The following GRIPAP1 variants were observed in gnomAD, a reference collection of about 807,000 sequenced individuals.
GRIPAP1 encodes GRIP1-associated protein 1.
Under a neutral mutation model 84.1 loss-of-function variants are expected in GRIPAP1, and 14 were observed. That is an observed-to-expected ratio of 0.17 (90% CI 0.11 to 0.26). The LOEUF is 0.26. GRIPAP1 is among the 10% of genes least tolerant of loss of function. GRIPAP1 has a pLI of 1.00. For missense variants in GRIPAP1, 518 were observed against 674.2 expected (o/e 0.77, Z 2.57); for synonymous variants, 261 against 256.8 (o/e 1.02, Z -0.15).
Position 48,993,480 on chromosome X carries a change from C to T in GRIPAP1, c.405G>A (p.Gly135=). The change falls in exon 6 of 26, where the codon GGG becomes GGA. Residue 135 remains glycine (G), a synonymous_variant. Coordinates refer to ENST00000376423, the MANE Select transcript of GRIPAP1 (RefSeq NM_020137.5). The part of the protein sequence containing the change: ...GVAQAGPLVD[G]ELLRLQAENT... ...TTTCAGCCTGTAGCCTCAGCAGCTC[C>T]CCATCCACGAGGGGCCCAGCTTGGG... 8.4e-7 allele frequency: 1 copy of T among 1,189,849 alleles called. No homozygotes were observed. Among genetic ancestry groups the T allele is most frequent in the East Asian group, 3.1e-5 (1 of 31,753 alleles).
chrX:48,980,603 G>T (rs1294172903), intron 21 of GRIPAP1, among the ~76,000 whole-genome samples: 2 of 110,646 alleles, frequency 1.8e-5, no homozygotes, highest in African/African-American at 6.6e-5. Context: ...AAGGGCGGGG[G>T]CCGGGCCCAG....
chrX:48,991,011 G>A lies in GRIPAP1; in HGVS notation c.557C>T (p.Pro186Leu), dbSNP rs1336173592. 2 of 1,184,508 alleles carry A rather than the reference G, an allele frequency of 1.7e-6. No homozygotes were observed. The highest frequency in any genetic ancestry group is 3.5e-5 in the African/African-American group (2 of 56,549). Reference sequence around the variant, plus strand: ...CAGCTCCACCTCTGCCAACGGCATGGGGGCCAGGACGGTGGGGGCCAGGCC... The same window carrying A: ...CAGCTCCACCTCTGCCAACGGCATGAGGGCCAGGACGGTGGGGGCCAGGCC... ...PGGLAPTVLA[P>L]MPLAEVELKW... The change falls in exon 7 of 26, where the codon CCC (proline) becomes CTC (leucine). Residue 186 changes from proline to leucine, a missense_variant. By Grantham distance (98) the Pro-to-Leu change is moderately conservative. Coordinates refer to ENST00000376423, the MANE Select transcript of GRIPAP1 (RefSeq NM_020137.5).
chrX:48,978,515 T>C (rs2064435642), intron 21 of GRIPAP1, 80 bp from the exon 22 acceptor site: 1 of 919,247 alleles, frequency 1.1e-6, no homozygotes, highest in Non-Finnish European at 1.5e-6. Flanking sequence ...GAGGCAGAAA[T>C]AGATTTAACA....
chrX:48,985,522 A>C, intron 13 of GRIPAP1, 120 bp from the exon 14 acceptor site: 2 of 554,052 alleles, frequency 3.6e-6, no homozygotes, highest in Non-Finnish European at 6.0e-6. Flanking sequence ...CCAGGAAGAG[A>C]GAGGAAATTT....
intron 21 of GRIPAP1, chrX:48,980,883 C>CA (rs374495965): frequency 6.4e-4 from 113 of 176,496 alleles, no homozygotes; most frequent in African/African-American, 1.7e-3. Context: ...AACTCTGTCT[C>CA]AAAAAAAAAA....
chrX:48,977,291 G>A (rs2064428180), intron 22 of GRIPAP1: 1 of 110,748 alleles, frequency 9.0e-6, no homozygotes, highest in Non-Finnish European at 1.9e-5. Flanking sequence ...TTTAAAAAGA[G>A]AGAGAATTCT....
chrX:48,983,651 A>T, intron 15 of GRIPAP1, 124 bp downstream of exon 15: 1 of 573,975 alleles, frequency 1.7e-6, no homozygotes, highest in Non-Finnish European at 3.0e-6. Context: ...GGTCAACCAG[A>T]AACCAGTCAA....
At position 48,989,895 on chromosome X, in the gene GRIPAP1, G is replaced by A. The variant is rs1390020770; in HGVS notation, c.723-13C>T. 10 of 1,206,468 alleles carry A rather than the reference G, an allele frequency of 8.3e-6. No homozygotes were observed. Among genetic ancestry groups the A allele is most frequent in the African/African-American group, 3.5e-5 (2 of 56,955 alleles). Reference sequence around the variant, plus strand: ...CAGACGGCAAAAACTGGGCACAGAAGGACAGATGTAGATGGGTCAGTTCCG... The same window carrying A: ...CAGACGGCAAAAACTGGGCACAGAAAGACAGATGTAGATGGGTCAGTTCCG... On this transcript the variant is annotated splice_polypyrimidine_tract_variant and intron_variant, in intron 9 of 25. Coordinates refer to ENST00000376423, the MANE Select transcript of GRIPAP1 (RefSeq NM_020137.5).
At position 48,981,222 on chromosome X, in the gene GRIPAP1, G is replaced by T; in HGVS notation, c.1923C>A (p.Ser641Arg). 8.3e-7 allele frequency: 1 copy of T among 1,205,179 alleles called. No individual in the cohort carries two copies. The highest frequency in any genetic ancestry group is 1.1e-6 in the Non-Finnish European group (1 of 890,438). The change falls in exon 21 of 26, where the codon AGC (serine) becomes AGA (arginine). Residue 641 changes from serine (S) to arginine (R), a missense_variant. By Grantham distance (110) the Ser-to-Arg change is moderately radical. This residue lies in a region of GRIPAP1 where 66 missense variants were observed against 65.2 expected (regional missense o/e 1.01). Transcript: ENST00000376423. ...RLQDILTNSK[S>R]RSGLEELVLS... Reference sequence around the variant, plus strand: ...CCTGTCCTAGTCCCTCACCTGAGCGGCTCTTGCTGTTAGTGAGGATGTCCT... The same window carrying T: ...CCTGTCCTAGTCCCTCACCTGAGCGTCTCTTGCTGTTAGTGAGGATGTCCT...
At chrX:48,988,044 T>C in intron 12 of GRIPAP1, 77 bp downstream of exon 12, 1 of 810,187 alleles carries the variant, frequency 1.2e-6, no homozygotes, top group Non-Finnish European at 1.8e-6. Context: ...CCTGGGACCT[T>C]GCCTGACTAT....
rs782239258 is a variant in GRIPAP1, at chrX:48,999,274, G to A, written c.135C>T (p.Val45=). ...TGCTGAACTCCTTATCCAAGTAGGC[G>A]ACCTTCTGTCGAAGACTGGTGAGTT... ...GVELTSLRQK[V]AYLDKEFSKA... The change falls in exon 3 of 26, where the codon GTC becomes GTT. Residue 45 remains valine, a synonymous_variant. Coordinates refer to ENST00000376423, the MANE Select transcript of GRIPAP1 (RefSeq NM_020137.5). 21 of 1,207,010 alleles carry A rather than the reference G, an allele frequency of 1.7e-5. No individual in the cohort carries two copies. The South Asian group carries it at 2.8e-4, about 16-fold the overall frequency.
chrX:48,988,011 G>C (rs868949092), intron 12 of GRIPAP1, 110 bp downstream of exon 12: 6 of 380,854 alleles, frequency 1.6e-5, no homozygotes, highest in Admixed American at 5.1e-5. Flanking sequence ...ACACACACAC[G>C]AAGGCCTGGG....
Position 48,991,040 on chromosome X carries a change from T to C in GRIPAP1, c.528A>G (p.Pro176=). Residue 176 remains proline, a synonymous_variant, in exon 7 of 26, where the codon CCA becomes CCG. Coordinates refer to ENST00000376423, the MANE Select transcript of GRIPAP1 (RefSeq NM_020137.5). ...CCAGGACGGTGGGGGCCAGGCCCCC[T>C]GGGGGATCCCCCTGGCCCTCACTGA... ...SAVSEGQGDP[P]GGLAPTVLAP... 8.3e-7 allele frequency: 1 copy of C among 1,198,669 alleles called. No homozygotes were observed. Among genetic ancestry groups the C allele is most frequent in the Non-Finnish European group, 1.1e-6 (1 of 883,816 alleles).
In GRIPAP1 at chrX:48,987,422, C is replaced by T. The variant is rs961151007; in HGVS notation, c.1041+363G>A. Among the ~76,000 whole-genome samples, 3 of 100,274 alleles carry T rather than the reference C, an allele frequency of 3.0e-5. No individual in the cohort carries two copies. In the Admixed American group the frequency reaches 3.4e-4, roughly 11 times the overall value. 87.1% of individuals were successfully genotyped at this position (100,274 alleles called of 115,157 possible). On this transcript the variant is annotated intron_variant, in intron 13 of 25. Transcript: ENST00000376423. ...TTGGCCTCCCAAAGTGCTAGGATTA[C>T]AGGCATGAGCCACCACGCCCTTTTT... is the stretch of plus-strand genomic sequence containing the variant.
intron 25 of GRIPAP1, 112 bp from the exon 26 acceptor site, chrX:48,974,397 G>C (rs2064411559): frequency 2.0e-6 from 1 of 493,518 alleles, no homozygotes; most frequent in Admixed American, 2.9e-5. Flanking sequence ...TCAATGCTCA[G>C]CTGTGTCTGG....
At chrX:48,982,915 C>T (rs1439775377) in intron 17 of GRIPAP1, 64 bp downstream of exon 17, 1 of 724,203 alleles carries the variant, frequency 1.4e-6, no homozygotes, top group African/African-American at 2.1e-5. Flanking sequence ...ACCACTCCTG[C>T]TTCTGTGGTT....
At chrX:48,985,846 GGAGA>G (rs1168060849) in intron 13 of GRIPAP1, among the ~76,000 whole-genome samples, 1 of 110,245 alleles carries the variant, frequency 9.1e-6, no homozygotes, top group African/African-American at 3.3e-5. Context: ...ATGGTGGCGG[GGAGA>G]GAGAGAGAAA....
intron 14 of GRIPAP1, among the ~76,000 whole-genome samples, chrX:48,984,142 T>C (rs1256737787): frequency 8.9e-6 from 1 of 111,854 alleles, no homozygotes; most frequent in African/African-American, 3.3e-5. Context: ...ATGTGATTTA[T>C]TTCTGTATGT....
At chrX:48,981,567 G>T (rs1557062177) in intron 19 of GRIPAP1, 29 bp downstream of exon 19, 1 of 1,171,378 alleles carries the variant, frequency 8.5e-7, no homozygotes. Flanking sequence ...GATCAGGGGT[G>T]TGTCTGGGGC....
Sources: gnomAD v4.1 joint callset for allele counts (sites outside exome capture counted in the v4.1 genomes callset) on GRCh38, gnomAD v4.1.1 for gene constraint, gnomAD v4.1.1 regional missense constraint, MANE v1.5 for transcripts, NCBI Gene and HGNC (gene_info 2026-07-23, HGNC 2026-07-21) for gene names.